The following GABRA3 variants were observed in gnomAD, a reference collection of about 807,000 sequenced individuals.
The protein encoded by GABRA3 is gamma-aminobutyric acid receptor subunit alpha-3.
A neutral mutation model predicts 30.1 loss-of-function variants in GABRA3; 10 were observed. That is an observed-to-expected ratio of 0.33 (90% confidence interval 0.20 to 0.56). GABRA3 has a LOEUF of 0.56. GABRA3 is among the 20% of genes least tolerant of loss of function. The probability of loss-of-function intolerance (pLI) is 0.89; values close to 1 mark genes in which losing one functional copy is unlikely to be tolerated. For missense variants in GABRA3, 233 were observed against 392.0 expected (o/e 0.59, Z 3.42); for synonymous variants, 151 against 146.8 (o/e 1.03, Z -0.21).
At chrX:152,177,198 T>C (rs1449082955) in intron 9 of GABRA3, among the ~76,000 whole-genome samples, 2 of 111,895 alleles carry the variant, frequency 1.8e-5, no homozygotes, top group Non-Finnish European at 3.8e-5. Flanking sequence ...GAAGGAAGTC[T>C]CAACTGAGAA....
intron 5 of GABRA3, among the ~76,000 whole-genome samples, chrX:152,246,220 A>G (rs148929043): frequency 5.1e-4 from 57 of 111,572 alleles, no homozygotes; most frequent in African/African-American, 1.8e-3. Flanking sequence ...GTTCTTTGGA[A>G]CAAGAGGGAC....
intron 2 of GABRA3, among the ~76,000 whole-genome samples, chrX:152,361,308 C>T (rs2124492522): frequency 9.1e-6 from 1 of 109,721 alleles, no homozygotes; most frequent in East Asian, 2.9e-4. Flanking sequence ...AGAACTAACA[C>T]TGGCTGGGCA....
intron 2 of GABRA3, among the ~76,000 whole-genome samples, chrX:152,359,559 C>T (rs1259666737): frequency 9.1e-6 from 1 of 110,372 alleles, no homozygotes; most frequent in South Asian, 3.9e-4. Flanking sequence ...TCCTTCAGTT[C>T]AGCTCTGATT....
intron 9 of GABRA3, among the ~76,000 whole-genome samples, chrX:152,180,925 GTT>G (rs1384285343): frequency 8.9e-6 from 1 of 112,282 alleles, no homozygotes; most frequent in Non-Finnish European, 1.9e-5. Context: ...GTACCAAGCT[GTT>G]TTGGTTAATA....
At chrX:152,333,458 C>T (rs1741372330) in intron 3 of GABRA3, among the ~76,000 whole-genome samples, 1 of 111,947 alleles carries the variant, frequency 8.9e-6, no homozygotes, top group African/African-American at 3.2e-5. Context: ...CTCTTCTGTT[C>T]TACTCTAATT....
At chrX:152,283,260 C>T (rs996670638) in intron 4 of GABRA3, among the ~76,000 whole-genome samples, 1 of 111,512 alleles carries the variant, frequency 9.0e-6, no homozygotes, top group African/African-American at 3.3e-5. Flanking sequence ...TTCCTTATAT[C>T]TTACATACCC....
At chrX:152,448,954 G>A (rs1931152469) in intron 1 of GABRA3, among the ~76,000 whole-genome samples, 1 of 110,882 alleles carries the variant, frequency 9.0e-6, no homozygotes, top group Non-Finnish European at 1.9e-5. Context: ...ACACTATCAG[G>A]GCTGCTCTAG....
intron 2 of GABRA3, among the ~76,000 whole-genome samples, chrX:152,347,292 C>G (rs900975783): frequency 1.8e-5 from 2 of 111,162 alleles, no homozygotes; most frequent in African/African-American, 6.5e-5. Context: ...AAAATTAAAA[C>G]AATTGAACTC....
intron 2 of GABRA3, among the ~76,000 whole-genome samples, chrX:152,360,753 AATT>A (rs1278743426): frequency 4.7e-4 from 38 of 80,054 alleles, no homozygotes; most frequent in African/African-American, 1.8e-3. Context: ...AAAAAAAATA[AATT>A]AAAAAAAAAA....
intron 7 of GABRA3, among the ~76,000 whole-genome samples, chrX:152,199,100 AGCCT>A (rs1420905875): frequency 9.1e-6 from 1 of 109,866 alleles, no homozygotes; most frequent in Non-Finnish European, 1.9e-5. Context: ...CGGTGGCTCA[AGCCT>A]GCCTGTAATC....
At chrX:152,386,006 C>T (rs1268796997) in intron 1 of GABRA3, among the ~76,000 whole-genome samples, 5 of 109,349 alleles carry the variant, frequency 4.6e-5, no homozygotes, top group Admixed American at 9.8e-5. Context: ...CCTTGTAGTA[C>T]AGTTTGAAGT....
intron 1 of GABRA3, chrX:152,394,499 A>T (rs761804344): frequency 5.2e-6 from 2 of 387,375 alleles, no homozygotes; most frequent in Non-Finnish European, 1.0e-5. Flanking sequence ...CACACACAGA[A>T]GATCTGCAAC....
At chrX:152,255,660 C>A (rs1938625042) in intron 5 of GABRA3, 118 bp downstream of exon 5, 4 of 573,527 alleles carry the variant, frequency 7.0e-6, no homozygotes, top group Non-Finnish European at 1.2e-5. Flanking sequence ...TATATACATA[C>A]CTGTACATTT....
At chrX:152,277,451 G>C (rs1603231701) in intron 4 of GABRA3, among the ~76,000 whole-genome samples, 1 of 110,568 alleles carries the variant, frequency 9.0e-6, no homozygotes, top group African/African-American at 3.3e-5. Context: ...TTCTTTTATT[G>C]TATTGTATAC....
At chrX:152,386,907 A>T (rs1929332380) in intron 1 of GABRA3, among the ~76,000 whole-genome samples, 1 of 106,578 alleles carries the variant, frequency 9.4e-6, no homozygotes, top group African/African-American at 3.4e-5. Flanking sequence ...CAAATGTCCA[A>T]CAATGATAGA....
intron 3 of GABRA3, among the ~76,000 whole-genome samples, chrX:152,336,798 T>C: frequency 9.0e-6 from 1 of 111,578 alleles, no homozygotes; most frequent in Non-Finnish European, 1.9e-5. Flanking sequence ...AGAAAATGAT[T>C]TTAGGAGTCA....
chrX:152,167,286 C>T lies in GABRA3; in HGVS notation c.*942G>A, dbSNP rs1052982105. The T allele has an allele frequency of 1.8e-5, 2 of 111,920 alleles. No individual in the cohort carries two copies. Among genetic ancestry groups the T allele is most frequent in the African/African-American group, 6.5e-5 (2 of 30,771 alleles). The allele number at this position is 111,920 out of a possible 1,213,427, so 9.2% of individuals were successfully genotyped here. ...CTACCATCCACTCCAAACCTCTTAC[C>T]CAATCCAGTATAGGCTAGTTGCCTT... is the stretch of plus-strand genomic sequence containing the variant. On this transcript the variant is annotated 3_prime_UTR_variant, in exon 10 of 10. Coordinates refer to ENST00000370314, the MANE Select transcript of GABRA3 (RefSeq NM_000808.4).
At chrX:152,443,685 C>A (rs777931100) in intron 1 of GABRA3, among the ~76,000 whole-genome samples, 1 of 111,022 alleles carries the variant, frequency 9.0e-6, no homozygotes, top group South Asian at 3.8e-4. Flanking sequence ...AAAAGTAAAG[C>A]AAGAAAGGGG....
intron 3 of GABRA3, among the ~76,000 whole-genome samples, chrX:152,306,398 T>G (rs1939721841): frequency 8.9e-6 from 1 of 112,427 alleles, no homozygotes; most frequent in African/African-American, 3.2e-5. Context: ...GTCCATTTAG[T>G]GTTTAAAATG....
Sources: allele counts gnomAD v4.1 joint callset (sites outside exome capture counted in the v4.1 genomes callset), GRCh38; gene constraint gnomAD v4.1.1; transcripts MANE v1.5; gene names NCBI Gene and HGNC (gene_info 2026-07-23, HGNC 2026-07-21).